The following B4GALNT3 variants were observed in gnomAD, a reference collection of about 807,000 sequenced individuals.
B4GALNT3 encodes beta-1,4-N-acetyl-galactosaminyltransferase 3.
In B4GALNT3, 86 loss-of-function variants were observed where a neutral mutation model predicts 120.2. That is an observed-to-expected ratio of 0.72 (90% CI 0.60 to 0.86). The LOEUF is 0.86. Ranked by LOEUF, B4GALNT3 falls within the 40% of genes least tolerant of loss-of-function variation. B4GALNT3 has a pLI of 0.00. For missense variants in B4GALNT3, 1,167 were observed against 1,298.9 expected (o/e 0.90, Z 1.56); for synonymous variants, 518 against 510.4 (o/e 1.01, Z -0.20).
chr12:539,192 A>C (rs1946890530), intron 3 of B4GALNT3, among the ~76,000 whole-genome samples: 1 of 152,196 alleles, frequency 6.6e-6, no homozygotes, highest in Non-Finnish European at 1.5e-5. Flanking sequence ...AGGCTGACTG[A>C]TCAGATTGGA....
At chr12:478,451 A>C (rs925069602) in intron 1 of B4GALNT3, among the ~76,000 whole-genome samples, 1 of 152,164 alleles carries the variant, frequency 6.6e-6, no homozygotes, top group African/African-American at 2.4e-5. Context: ...GGAAGTATTT[A>C]TTGATTGAAG....
Position 553,347 on chromosome 12 carries a change from T to C in B4GALNT3, c.1424T>C (p.Leu475Pro), listed in dbSNP as rs774406879. ...QDATDYRLRSLRKLLAQPREG... is the reference protein window; with the variant it reads ...QDATDYRLRSPRKLLAQPREG... Reference sequence around the variant, plus strand: ...GCCACTGACTACCGCCTCCGAAGCCTGCGGAAACTCCTGGCTCAGCCCCGG... The same window carrying C: ...GCCACTGACTACCGCCTCCGAAGCCCGCGGAAACTCCTGGCTCAGCCCCGG... Residue 475 changes from leucine to proline, a missense_variant, in exon 14 of 20, where the codon CTG becomes CCG. By Grantham distance (98) the Leu-to-Pro change is moderately conservative. Coordinates refer to ENST00000266383, the MANE Select transcript of B4GALNT3 (RefSeq NM_173593.4). 1.1e-5 allele frequency: 18 copies of C among 1,613,628 alleles called. No individual in the cohort carries two copies. The highest frequency in any genetic ancestry group is 1.4e-5 in the Non-Finnish European group (17 of 1,180,038).
At chr12:510,944 C>G (rs1946541835) in intron 1 of B4GALNT3, among the ~76,000 whole-genome samples, 1 of 150,372 alleles carries the variant, frequency 6.7e-6, no homozygotes, top group African/African-American at 2.4e-5. Flanking sequence ...TTATCAGTCA[C>G]TCCCAATTCT....
At chr12:476,921 T>C (rs1402746581) in intron 1 of B4GALNT3, among the ~76,000 whole-genome samples, 1 of 152,210 alleles carries the variant, frequency 6.6e-6, no homozygotes, top group Non-Finnish European at 1.5e-5. Context: ...ACATCTCCAA[T>C]AGAACATGAA....
At chr12:552,196 C>A in intron 12 of B4GALNT3, 33 bp downstream of exon 12, 1 of 1,549,626 alleles carries the variant, frequency 6.5e-7, no homozygotes, top group South Asian at 1.1e-5. Flanking sequence ...GGAAGGTGAC[C>A]TTGCAGAGGG....
chr12:471,717 T>TG, intron 1 of B4GALNT3, among the ~76,000 whole-genome samples: 1 of 30,896 alleles, frequency 3.2e-5, no homozygotes, highest in South Asian at 1.1e-3. Flanking sequence ...AAAATAATAA[T>TG]AAAAAATAAA....
intron 3 of B4GALNT3, among the ~76,000 whole-genome samples, chr12:542,892 TC>T (rs371057013): frequency 2.0e-4 from 30 of 152,266 alleles, no homozygotes; most frequent in African/African-American, 7.0e-4. Flanking sequence ...CCCAGCTGCT[TC>T]CCAAGGGGAG....
At chr12:554,911 C>T (rs1947134979) in intron 14 of B4GALNT3, among the ~76,000 whole-genome samples, 1 of 151,756 alleles carries the variant, frequency 6.6e-6, no homozygotes, top group East Asian at 1.9e-4. Context: ...GACGCAGTGG[C>T]TCACGCCTCT....
chr12:503,679 G>C (rs1006948946), intron 1 of B4GALNT3, among the ~76,000 whole-genome samples: 4 of 152,164 alleles, frequency 2.6e-5, no homozygotes, highest in Non-Finnish European at 5.9e-5. Flanking sequence ...ATACAGATAA[G>C]CTCGTGATGA....
rs968750607 is a variant in B4GALNT3, at chr12:474,914, C to T, written c.169+14369C>T. 2.0e-5 allele frequency among the ~76,000 whole-genome samples: 3 copies of T among 147,874 alleles called. No individual in the cohort carries two copies. In the Admixed American group the frequency reaches 2.1e-4, roughly 10 times the overall value. On this transcript the variant is annotated intron_variant, in intron 1 of 19. Transcript: ENST00000266383. ...CAGTGAGCCAAGATTGACCACTGCA[C>T]TCCAGCCTGGGTGACAGAGGGAGAC...
chr12:513,741 A>C (rs1448639348), intron 1 of B4GALNT3, among the ~76,000 whole-genome samples: 1 of 152,216 alleles, frequency 6.6e-6, no homozygotes, highest in South Asian at 2.1e-4. Context: ...CACCTCTGAC[A>C]ATAGCTCACT....
At chr12:497,460 G>A (rs1168869488) in intron 1 of B4GALNT3, among the ~76,000 whole-genome samples, 7 of 152,190 alleles carry the variant, frequency 4.6e-5, no homozygotes, top group Non-Finnish European at 8.8e-5. Flanking sequence ...TTATTTTTAA[G>A]GCTGAATCAT....
At chr12:555,844 G>A (rs1298362676) in intron 14 of B4GALNT3, among the ~76,000 whole-genome samples, 1 of 151,868 alleles carries the variant, frequency 6.6e-6, no homozygotes, top group Non-Finnish European at 1.5e-5. Context: ...GAGTGCAGTG[G>A]CGCGATCTCG....
At chr12:514,150 G>A (rs1946625682) in intron 1 of B4GALNT3, among the ~76,000 whole-genome samples, 1 of 151,082 alleles carries the variant, frequency 6.6e-6, no homozygotes, top group South Asian at 2.1e-4. Flanking sequence ...ATGTATGAGG[G>A]TTCCAATTTC....
Position 553,559 on chromosome 12 carries a change from G to C in B4GALNT3, c.1636G>C (p.Gly546Arg), listed in dbSNP as rs1555159432. Residue 546 changes from glycine to arginine, a missense_variant, in exon 14 of 20, where the codon GGG becomes CGG. By Grantham distance (125) the Gly-to-Arg change is moderately radical. Around this residue, in one of 3 missense-constraint regions of B4GALNT3, gnomAD observed 983 missense variants for 1,102.5 expected, o/e 0.89. Transcript: ENST00000266383. ...HPVKNLPQMR[G>R]PRPRPAGDSP... ...TGTGAAGAACCTGCCTCAGATGAGG[G>C]GGCCCAGGCCCAGGCCCGCTGGTGA... is the stretch of plus-strand genomic sequence containing the variant. 5.0e-6 allele frequency: 8 copies of C among 1,613,960 alleles called. No individual in the cohort carries two copies. The South Asian group carries it at 7.7e-5, about 16-fold the overall frequency.
intron 1 of B4GALNT3, among the ~76,000 whole-genome samples, chr12:532,840 A>G (rs967221208): frequency 1.3e-5 from 2 of 152,142 alleles, no homozygotes; most frequent in African/African-American, 2.4e-5. Flanking sequence ...AAGACCCACA[A>G]TGCTAGTTCA....
chr12:510,459 C>T (rs1382974487), intron 1 of B4GALNT3, among the ~76,000 whole-genome samples: 2 of 111,406 alleles, frequency 1.8e-5, no homozygotes, highest in African/African-American at 5.9e-5. Context: ...GGGTTGGACG[C>T]TGGGGGGCTG....
At chr12:477,804 C>G (rs767541052) in intron 1 of B4GALNT3, among the ~76,000 whole-genome samples, 3 of 152,028 alleles carry the variant, frequency 2.0e-5, no homozygotes, top group Non-Finnish European at 2.9e-5. Flanking sequence ...TAGAAATATA[C>G]AAGTTGATGA....
intron 1 of B4GALNT3, among the ~76,000 whole-genome samples, chr12:522,135 C>G (rs10744666): frequency 1.3e-5 from 2 of 151,864 alleles, no homozygotes; most frequent in African/African-American, 4.8e-5. Flanking sequence ...GCCTGCAGCA[C>G]CTGCTCCTTG....
Sources: allele counts gnomAD v4.1 joint callset (sites outside exome capture counted in the v4.1 genomes callset), GRCh38; gene constraint gnomAD v4.1.1; regional missense constraint gnomAD v4.1.1; transcripts MANE v1.5; gene names NCBI Gene and HGNC (gene_info 2026-07-23, HGNC 2026-07-21).